Variants in ADAMTSL1 observed in about 807,000 individuals in gnomAD.
ADAMTSL1 encodes ADAMTS-like protein 1.
Under a neutral mutation model 201.8 loss-of-function variants are expected in ADAMTSL1, and 126 were observed. That is an observed-to-expected ratio of 0.62 (90% confidence interval 0.54 to 0.72). The LOEUF is 0.72. ADAMTSL1 is among the 30% of genes least tolerant of loss of function. The pLI is 0.00. For synonymous variants in ADAMTSL1, 1,121 were observed against 903.4 expected (o/e 1.24, Z -4.32); for missense variants, 2,679 against 2,277.8 (o/e 1.18, Z -3.59).
chr9:18,636,080 C>A, intron 6 of ADAMTSL1, 63 bp downstream of exon 6: 1 of 1,355,212 alleles, frequency 7.4e-7, no homozygotes, highest in South Asian at 1.4e-5. Flanking sequence ...TTTATTTTGT[C>A]TTCCCAGAAA....
chr9:18,598,916 C>T (rs751901249), intron 4 of ADAMTSL1, among the ~76,000 whole-genome samples: 1 of 152,152 alleles, frequency 6.6e-6, no homozygotes, highest in Non-Finnish European at 1.5e-5. Context: ...CAGCCAAAGT[C>T]ACACTCAAAT....
At chr9:18,443,230 T>A (rs1820065551) in intron 2 of ADAMTSL1, among the ~76,000 whole-genome samples, 1 of 152,206 alleles carries the variant, frequency 6.6e-6, no homozygotes, top group Non-Finnish European at 1.5e-5. Context: ...ATACTAAAGT[T>A]GTAATTTCAT....
chr9:18,274,306 G>T (rs58901600), intron 2 of ADAMTSL1, among the ~76,000 whole-genome samples: 5,169 of 152,220 alleles, frequency 0.034, 310 homozygotes, highest in African/African-American at 0.12. Flanking sequence ...TTAACATATG[G>T]TAATAATGTA....
In ADAMTSL1 at chr9:18,650,767, C is replaced by T. The variant is rs185319089; in HGVS notation, c.835-6872C>T. The stretch of plus-strand genomic sequence containing the variant: ...TCTTCTAAAAATTTTAAACTTGTTC[C>T]GTTGGCTCTACATACATTTTTGTCA... On this transcript the variant is annotated intron_variant, in intron 7 of 28. Coordinates refer to ENST00000380548, the MANE Select transcript of ADAMTSL1 (RefSeq NM_001040272.6). Among the ~76,000 whole-genome samples, 732 of 152,196 alleles carry T rather than the reference C, an allele frequency of 4.8e-3. 3 individuals are homozygous for T. Among genetic ancestry groups the T allele is most frequent in the Non-Finnish European group, 4.8e-3 (329 of 68,004 alleles).
At chr9:18,071,660 G>A (rs978532338) in intron 1 of ADAMTSL1, among the ~76,000 whole-genome samples, 1 of 152,224 alleles carries the variant, frequency 6.6e-6, no homozygotes, top group Non-Finnish European at 1.5e-5. Context: ...CAGAGCCCAA[G>A]TGAAGCCCAG....
At chr9:18,038,262 A>G (rs1821288289) in intron 1 of ADAMTSL1, among the ~76,000 whole-genome samples, 1 of 152,068 alleles carries the variant, frequency 6.6e-6, no homozygotes, top group Non-Finnish European at 1.5e-5. Context: ...GCTTGGGAAC[A>G]TTTCCAAGTG....
At chr9:18,811,403 G>C (rs1236102345) in intron 20 of ADAMTSL1, among the ~76,000 whole-genome samples, 1 of 151,962 alleles carries the variant, frequency 6.6e-6, no homozygotes, top group Non-Finnish European at 1.5e-5. Context: ...GGAGAGTGAG[G>C]ACTTGTACCA....
intron 2 of ADAMTSL1, among the ~76,000 whole-genome samples, chr9:18,429,005 A>G (rs1283457801): frequency 1.3e-5 from 2 of 152,200 alleles, no homozygotes; most frequent in Non-Finnish European, 1.5e-5. Context: ...TATAAGTTCC[A>G]ATGATTTATC....
intron 1 of ADAMTSL1, among the ~76,000 whole-genome samples, chr9:18,074,272 T>C (rs1468003567): frequency 1.3e-5 from 2 of 152,130 alleles, no homozygotes; most frequent in African/African-American, 4.8e-5. Flanking sequence ...CAAAAAACTA[T>C]GAATGCAATG....
intron 2 of ADAMTSL1, among the ~76,000 whole-genome samples, chr9:18,200,421 T>C (rs891479271): frequency 3.3e-5 from 5 of 152,166 alleles, no homozygotes; most frequent in Non-Finnish European, 5.9e-5. Context: ...GGGATTATTA[T>C]GCTTGATTTT....
At chr9:18,298,929 G>A (rs1274746100) in intron 2 of ADAMTSL1, among the ~76,000 whole-genome samples, 1 of 151,440 alleles carries the variant, frequency 6.6e-6, no homozygotes, top group African/African-American at 2.4e-5. Flanking sequence ...GGAGAATGGC[G>A]TGAACCCGGG....
At chr9:18,720,855 C>T (rs567176918) in intron 14 of ADAMTSL1, among the ~76,000 whole-genome samples, 1 of 152,242 alleles carries the variant, frequency 6.6e-6, no homozygotes, top group African/African-American at 2.4e-5. Context: ...TCCCAGTAAC[C>T]TTGTGCCAGT....
intron 2 of ADAMTSL1, among the ~76,000 whole-genome samples, chr9:18,513,865 A>G (rs1008011387): frequency 6.6e-6 from 1 of 152,178 alleles, no homozygotes; most frequent in Non-Finnish European, 1.5e-5. Flanking sequence ...GCATATCTTT[A>G]CACCAGTACC....
intron 1 of ADAMTSL1, among the ~76,000 whole-genome samples, chr9:18,148,815 A>G (rs1158185570): frequency 6.6e-6 from 1 of 152,018 alleles, no homozygotes; most frequent in Admixed American, 6.6e-5. Context: ...AAAACATGTA[A>G]ATATTTTTAT....
At chr9:18,483,932 G>T (rs987585448) in intron 1 of ADAMTSL1, among the ~76,000 whole-genome samples, 3 of 152,128 alleles carry the variant, frequency 2.0e-5, no homozygotes, top group East Asian at 1.9e-4. Flanking sequence ...TGTAAAATAC[G>T]GCTCTTCCCT....
intron 2 of ADAMTSL1, among the ~76,000 whole-genome samples, chr9:18,448,878 C>A (rs115373538): frequency 6.6e-6 from 1 of 151,668 alleles, no homozygotes; most frequent in Non-Finnish European, 1.5e-5. Flanking sequence ...TTACAAGGCT[C>A]GAATGTTTAA....
intron 2 of ADAMTSL1, among the ~76,000 whole-genome samples, chr9:18,462,765 C>A (rs892029879): frequency 6.6e-6 from 1 of 151,732 alleles, no homozygotes; most frequent in Non-Finnish European, 1.5e-5. Flanking sequence ...ATGGTGAAAT[C>A]TCATCTCTAC....
At chr9:18,266,912 A>G (rs1455096554) in intron 2 of ADAMTSL1, among the ~76,000 whole-genome samples, 2 of 152,130 alleles carry the variant, frequency 1.3e-5, no homozygotes, top group Non-Finnish European at 2.9e-5. Context: ...TAACTTCTCG[A>G]GTCCTTCCTG....
intron 2 of ADAMTSL1, among the ~76,000 whole-genome samples, chr9:18,338,851 C>T (rs1835353222): frequency 6.6e-6 from 1 of 152,088 alleles, no homozygotes; most frequent in Admixed American, 6.5e-5. Flanking sequence ...GTTTAGCTCC[C>T]ACTTATAAGT....
Sources: gnomAD v4.1 joint callset for allele counts (sites outside exome capture counted in the v4.1 genomes callset) on GRCh38, gnomAD v4.1.1 for gene constraint, MANE v1.5 for transcripts, NCBI Gene and HGNC (gene_info 2026-07-23, HGNC 2026-07-21) for gene names.